Variants in KLHL20 observed in about 807,000 individuals in gnomAD.
KLHL20 encodes kelch-like protein 20.
KLHL20 carries 29 observed loss-of-function variants against 69.5 expected under a neutral mutation model. The observed-to-expected ratio is 0.42, with a 90% confidence interval of 0.31 to 0.57. KLHL20 has a LOEUF of 0.57. KLHL20 is among the 20% of genes least tolerant of loss of function. KLHL20 has a pLI of 0.18. For missense variants in KLHL20, 419 were observed against 776.0 expected, an observed-to-expected ratio of 0.54 and a Z score of 5.47; for synonymous variants, 253 against 265.2, an observed-to-expected ratio of 0.95 and a Z score of 0.45.
chr1:173,774,013 CAAAA>C (rs34034171), intron 8 of KLHL20, among the ~76,000 whole-genome samples: 16 of 108,114 alleles, frequency 1.5e-4, no homozygotes, highest in South Asian at 3.0e-4. Context: ...GACTCCATCT[CAAAA>C]AAAAAAAAAA....
intron 5 of KLHL20, 32 bp from the exon 6 acceptor site, chr1:173,755,891 T>C (rs1182925133): frequency 1.5e-6 from 2 of 1,379,180 alleles, no homozygotes; most frequent in Admixed American, 3.5e-5. Context: ...GTAATTTAGA[T>C]ATTTGGAATA....
chr1:173,750,773 C>G (rs146614108), intron 3 of KLHL20, among the ~76,000 whole-genome samples: 4 of 152,200 alleles, frequency 2.6e-5, no homozygotes, highest in African/African-American at 9.6e-5. Context: ...GTTGCCCAGG[C>G]TGGTCTCGAA....
At chr1:173,768,665 G>T (rs1272452793) in intron 8 of KLHL20, among the ~76,000 whole-genome samples, 1 of 152,196 alleles carries the variant, frequency 6.6e-6, no homozygotes, top group Non-Finnish European at 1.5e-5. Context: ...TAGTTCTGGA[G>T]ATTGGAGTTA....
rs1166589963 is a variant in KLHL20, at chr1:173,734,057, T to G, written c.368T>G (p.Ile123Ser). ...GACGAGAGGGCTATGGAATTACTGATTGACTTTGCGTATACCTCCCAGATA... is the reference window on the plus strand; with the variant it reads ...GACGAGAGGGCTATGGAATTACTGAGTGACTTTGCGTATACCTCCCAGATA... ...DIDERAMELL[I>S]DFAYTSQITV... is the part of the protein sequence containing the mutation. The change falls in exon 3 of 12, where the codon ATT (isoleucine) becomes AGT (serine). Residue 123 changes from isoleucine to serine, a missense_variant. Physicochemically the swap from Ile to Ser is moderately radical, Grantham distance 142. Transcript: ENST00000209884. 6.2e-7 allele frequency: 1 copy of G among 1,614,152 alleles called. No homozygotes were observed. Among genetic ancestry groups the G allele is most frequent in the Admixed American group, 1.7e-5 (1 of 60,020 alleles).
rs567570779 is a variant in KLHL20, at chr1:173,785,082, A to T, written c.1746-81A>T. On this transcript the variant is annotated intron_variant, in intron 11 of 11. Transcript: ENST00000209884. ...TATAAAACATAGAAACGTGTTAATA[A>T]CATCTTAGTCGTAGTTAATAACATC... 7.7e-5 allele frequency: 82 copies of T among 1,059,108 alleles called. No homozygotes were observed. The East Asian group carries it at 1.3e-3, about 17-fold the overall frequency. 65.6% of individuals were successfully genotyped at this position (1,059,108 alleles called of 1,614,324 possible). A position where few individuals can be genotyped will look rare whatever the true frequency, so the allele number is the denominator to read the frequency against.
In KLHL20 at chr1:173,725,862, C is replaced by T. The variant is rs1671931309; in HGVS notation, c.24-7851C>T. On this transcript the variant is annotated intron_variant, in intron 2 of 11. Coordinates refer to ENST00000209884, the MANE Select transcript of KLHL20 (RefSeq NM_014458.4). ...GATTTCTGCATTTCCAACTGAGGTA[C>T]TGGGTTCATCTCACTGGGGATTGTC... 2.0e-5 allele frequency among the ~76,000 whole-genome samples: 3 copies of T among 152,190 alleles called. No homozygotes were observed. In the South Asian group the frequency reaches 6.2e-4, roughly 32 times the overall value.
chr1:173,728,517 A>G (rs1672091483), intron 2 of KLHL20, among the ~76,000 whole-genome samples: 1 of 152,218 alleles, frequency 6.6e-6, no homozygotes, highest in Admixed American at 6.5e-5. Flanking sequence ...AGCAAATGTA[A>G]AAGAACAGAA....
At chr1:173,759,575 G>T (rs1360764319) in intron 7 of KLHL20, among the ~76,000 whole-genome samples, 1 of 152,136 alleles carries the variant, frequency 6.6e-6, no homozygotes, top group East Asian at 1.9e-4. Flanking sequence ...CCTACTACCA[G>T]CCCAGAGCTG....
intron 7 of KLHL20, among the ~76,000 whole-genome samples, chr1:173,764,023 A>C (rs1484445432): frequency 6.6e-6 from 1 of 152,220 alleles, no homozygotes; most frequent in Non-Finnish European, 1.5e-5. Context: ...AGTGAATTCA[A>C]GTCAGTGAGA....
chr1:173,729,614 G>A (rs974925414), intron 2 of KLHL20, among the ~76,000 whole-genome samples: 5 of 152,076 alleles, frequency 3.3e-5, no homozygotes, highest in East Asian at 3.8e-4. Flanking sequence ...CAGAACCAAC[G>A]ACAAAAACCA....
chr1:173,758,928 G>T (rs919003319), intron 7 of KLHL20, among the ~76,000 whole-genome samples: 1 of 152,194 alleles, frequency 6.6e-6, no homozygotes. Flanking sequence ...CCGGCAGGGG[G>T]AAAACTAAAG....
chr1:173,774,700 TTA>T (rs1648338666), intron 9 of KLHL20, among the ~76,000 whole-genome samples: 1 of 151,188 alleles, frequency 6.6e-6, no homozygotes, highest in Non-Finnish European at 1.5e-5. Context: ...AACTACTTTC[TTA>T]TATAATTAGT....
intron 2 of KLHL20, among the ~76,000 whole-genome samples, chr1:173,730,450 T>C (rs201760354): frequency 0.1 from 15,159 of 150,614 alleles, 763 homozygotes; most frequent in East Asian, 0.22. Flanking sequence ...GGAGGCATCA[T>C]GCTACCTGAC....
At chr1:173,749,761 ATGAAAT>A (rs1368537399) in intron 3 of KLHL20, among the ~76,000 whole-genome samples, 1 of 152,206 alleles carries the variant, frequency 6.6e-6, no homozygotes, top group African/African-American at 2.4e-5. Flanking sequence ...TTATACTCTG[ATGAAAT>A]TTAAAAAAAT....
chr1:173,751,711 G>A (rs1165468704), intron 3 of KLHL20, 53 bp from the exon 4 acceptor site: 26 of 1,557,538 alleles, frequency 1.7e-5, no homozygotes, highest in Non-Finnish European at 2.2e-5. Flanking sequence ...AAAACACTGA[G>A]ACAATAAATG....
At chr1:173,760,702 G>C (rs1673761905) in intron 7 of KLHL20, among the ~76,000 whole-genome samples, 2 of 151,898 alleles carry the variant, frequency 1.3e-5, no homozygotes, top group Non-Finnish European at 2.9e-5. Context: ...ACCACTACAA[G>C]AACTTCTAAA....
Position 173,759,144 on chromosome 1 carries a change from C to G in KLHL20, c.1151+1985C>G, listed in dbSNP as rs550604409. Among the ~76,000 whole-genome samples, 100 of 152,198 alleles carry G rather than the reference C, an allele frequency of 6.6e-4. 2 individuals carry two copies. In the South Asian group the frequency reaches 0.021, roughly 31 times the overall value. On this transcript the variant is annotated intron_variant, in intron 7 of 11. Coordinates refer to ENST00000209884, the MANE Select transcript of KLHL20 (RefSeq NM_014458.4). ...TTTACTGACAACCTGCATGACTCAG[C>G]AGAGGCAGTCATAATCTTCCTAGGT... is the stretch of plus-strand genomic sequence containing the variant.
chr1:173,770,464 G>A (rs1363444163), intron 8 of KLHL20, among the ~76,000 whole-genome samples: 2 of 152,078 alleles, frequency 1.3e-5, no homozygotes, highest in African/African-American at 2.4e-5. Flanking sequence ...TCTGGAGGCC[G>A]AGGCGGGTGG....
At chr1:173,745,400 TG>T (rs1673011886) in intron 3 of KLHL20, among the ~76,000 whole-genome samples, 3 of 151,984 alleles carry the variant, frequency 2.0e-5, no homozygotes, top group African/African-American at 7.2e-5. Context: ...TGACCTCAAA[TG>T]ATCCGCCCTC....
Sources: gnomAD v4.1 joint callset for allele counts (sites outside exome capture counted in the v4.1 genomes callset) on GRCh38, gnomAD v4.1.1 for gene constraint, MANE v1.5 for transcripts, NCBI Gene and HGNC (gene_info 2026-07-23, HGNC 2026-07-21) for gene names.